EIF4EBP2: variants seen among roughly 807,000 people sequenced by gnomAD.
EIF4EBP2 encodes the protein eukaryotic translation initiation factor 4E binding protein 2.
Under a neutral mutation model 10.3 loss-of-function variants are expected in EIF4EBP2, and 5 were observed. That is an observed-to-expected ratio of 0.48 (90% CI 0.25 to 1.02). The LOEUF (loss-of-function observed/expected upper bound fraction) is 1.02. EIF4EBP2 is among the 50% of genes least tolerant of loss of function. EIF4EBP2 has a pLI of 0.15. For missense variants in EIF4EBP2, 188 were observed against 162.2 expected (o/e 1.16, Z -0.86); for synonymous variants, 67 against 61.1 (o/e 1.10, Z -0.45).
At chr10:70,416,701 T>C (rs923082371) in intron 1 of EIF4EBP2, among the ~76,000 whole-genome samples, 5 of 148,180 alleles carry the variant, frequency 3.4e-5, no homozygotes, top group Admixed American at 2.0e-4. Flanking sequence ...GGTCTCACTC[T>C]GTCATCTAAG....
At chr10:70,405,195 TGGTAGGGTGCTGACAGCCTTAA>T (rs1467598686) in intron 1 of EIF4EBP2, among the ~76,000 whole-genome samples, 14 of 151,284 alleles carry the variant, frequency 9.3e-5, no homozygotes, top group Non-Finnish European at 1.8e-4. Context: ...TAGGTGGGGG[TGGTAGGGTGCTGACAGCCTTAA>T]GGTAGGGTGT....
chr10:70,407,738 C>T (rs1226353354), intron 1 of EIF4EBP2, among the ~76,000 whole-genome samples: 1 of 139,876 alleles, frequency 7.1e-6, no homozygotes, highest in African/African-American at 2.7e-5. Flanking sequence ...TGACCCCCCC[C>T]CCACCTCCCT....
chr10:70,416,173 TCAAAC>T (rs766839361), intron 1 of EIF4EBP2, among the ~76,000 whole-genome samples: 39 of 152,118 alleles, frequency 2.6e-4, no homozygotes, highest in Admixed American at 9.2e-4. Flanking sequence ...CAAATTAAGA[TCAAAC>T]CACAGTGAGA....
At chr10:70,409,319 T>C (rs1845017421) in intron 1 of EIF4EBP2, among the ~76,000 whole-genome samples, 1 of 152,166 alleles carries the variant, frequency 6.6e-6, no homozygotes, top group African/African-American at 2.4e-5. Flanking sequence ...TTTTTTTCTA[T>C]CTGCCTGTGG....
intron 1 of EIF4EBP2, among the ~76,000 whole-genome samples, chr10:70,406,924 G>C (rs185562401): frequency 6.6e-6 from 1 of 152,276 alleles, no homozygotes; most frequent in Non-Finnish European, 1.5e-5. Context: ...TGGAGACGGA[G>C]TTTCGCTCTG....
At chr10:70,414,026 A>G (rs1288201326) in intron 1 of EIF4EBP2, among the ~76,000 whole-genome samples, 1 of 152,228 alleles carries the variant, frequency 6.6e-6, no homozygotes, top group Non-Finnish European at 1.5e-5. Flanking sequence ...GTGAATTGCT[A>G]GGAAGTCCTT....
chr10:70,415,493 GAA>G (rs538263803), intron 1 of EIF4EBP2, among the ~76,000 whole-genome samples: 2,228 of 91,954 alleles, frequency 0.024, 58 homozygotes, highest in African/African-American at 0.076. Flanking sequence ...TCTTGAAAAA[GAA>G]AAACTAAGTT....
rs778028963 is a variant in EIF4EBP2 at position 70,404,425 on chromosome 10, C to T, written c.24C>T (p.Gly8=). The change falls in exon 1 of 3, where the codon GGC becomes GGT. Residue 8 remains glycine (G), a synonymous_variant. Transcript: ENST00000373218. The part of the protein sequence containing the change: MSSSAGS[G]HQPSQSRAIP... The stretch of plus-strand genomic sequence containing the variant: ...CCATGTCCTCGTCAGCCGGCAGCGG[C>T]CACCAGCCCAGCCAGAGCCGCGCCA... 1.9e-6 allele frequency: 3 copies of T among 1,590,632 alleles called. No homozygotes were observed.
intron 1 of EIF4EBP2, among the ~76,000 whole-genome samples, chr10:70,418,543 A>G (rs1215878118): frequency 6.6e-6 from 1 of 152,214 alleles, no homozygotes; most frequent in East Asian, 1.9e-4. Context: ...GTCACAACAT[A>G]GTATAATAAA....
At chr10:70,421,501 C>T (rs771239713) in intron 2 of EIF4EBP2, among the ~76,000 whole-genome samples, 1 of 152,152 alleles carries the variant, frequency 6.6e-6, no homozygotes, top group Non-Finnish European at 1.5e-5. Context: ...CACTTGTGTC[C>T]TTTTCCCCAA....
At position 70,427,742 on chromosome 10, in the gene EIF4EBP2, C is replaced by T. The variant is rs1314096368; in HGVS notation, c.*5995C>T. 1 of 152,064 alleles carries T rather than the reference C, an allele frequency of 6.6e-6. No individual in the cohort carries two copies. The highest frequency in any genetic ancestry group is 1.5e-5 in the Non-Finnish European group (1 of 68,024). 9.4% of individuals were successfully genotyped at this position (152,064 alleles called of 1,614,324 possible). A position where few individuals can be genotyped will look rare whatever the true frequency, so the allele number is the denominator to read the frequency against. ...AATATTACTGAGATGAAACACATTT[C>T]CAAGGGTATTTAAACTCTCACTCTG... On this transcript the variant is annotated 3_prime_UTR_variant, in exon 3 of 3. Coordinates refer to ENST00000373218, the MANE Select transcript of EIF4EBP2 (RefSeq NM_004096.5).
chr10:70,414,694 C>G (rs1845075673), intron 1 of EIF4EBP2, among the ~76,000 whole-genome samples: 1 of 152,060 alleles, frequency 6.6e-6, no homozygotes, highest in Admixed American at 6.6e-5. Flanking sequence ...ATGGTGAAAC[C>G]CCATCTCTAC....
chr10:70,414,559 A>C (rs61357112), intron 1 of EIF4EBP2, among the ~76,000 whole-genome samples: 2,111 of 152,304 alleles, frequency 0.014, 39 homozygotes, highest in African/African-American at 0.048. Context: ...TGCAAGATAA[A>C]AGAGCCATAT....
chr10:70,419,761 T>G (rs991420467), intron 1 of EIF4EBP2, among the ~76,000 whole-genome samples, 153 bp from the exon 2 acceptor site: 1 of 152,206 alleles, frequency 6.6e-6, no homozygotes, highest in Non-Finnish European at 1.5e-5. Flanking sequence ...AGAGCCTGTT[T>G]ACAGGCAGAG....
chr10:70,422,662 A>C lies in EIF4EBP2; in HGVS notation c.*915A>C, dbSNP rs1845170515. ...CACTTTAGCTTCCACTTGGTGGGTA[A>C]GGCCTGATCATAGTATTCTGTCAGA... On this transcript the variant is annotated 3_prime_UTR_variant, in exon 3 of 3. Transcript: ENST00000373218. The C allele has an allele frequency of 6.6e-6, 1 of 152,196 alleles. No homozygotes were observed. Among genetic ancestry groups the C allele is most frequent in the South Asian group, 2.1e-4 (1 of 4,826 alleles). 9.4% of individuals were successfully genotyped at this position (152,196 alleles called of 1,614,324 possible).
intron 1 of EIF4EBP2, among the ~76,000 whole-genome samples, chr10:70,415,677 G>C (rs1354416196): frequency 2.0e-5 from 3 of 152,132 alleles, no homozygotes; most frequent in Non-Finnish European, 4.4e-5. Flanking sequence ...TGTGGAAAAA[G>C]AACAGTTTTC....
rs185997701 is a variant in EIF4EBP2, at chr10:70,422,671, C to G, written c.*924C>G. The G allele has an allele frequency of 2.0e-4, 30 of 152,306 alleles. No homozygotes were observed. Among genetic ancestry groups the G allele is most frequent in the African/African-American group, 7.0e-4 (29 of 41,574 alleles). The allele number at this position is 152,306 out of a possible 1,614,324, so 9.4% of individuals were successfully genotyped here. On this transcript the variant is annotated 3_prime_UTR_variant, in exon 3 of 3. Transcript: ENST00000373218. ...TTCCACTTGGTGGGTAAGGCCTGAT[C>G]ATAGTATTCTGTCAGATAATGCCTA...
intron 1 of EIF4EBP2, among the ~76,000 whole-genome samples, chr10:70,409,388 G>GGTAA (rs1213939624): frequency 1.3e-5 from 2 of 152,150 alleles, no homozygotes; most frequent in African/African-American, 4.8e-5. Flanking sequence ...CTCAAAGGAA[G>GGTAA]GTAAAGTTAC....
At chr10:70,420,188 C>A in intron 2 of EIF4EBP2, 89 bp downstream of exon 2, 1 of 1,366,750 alleles carries the variant, frequency 7.3e-7, no homozygotes, top group Non-Finnish European at 9.9e-7. Context: ...ATTGATTCTT[C>A]AGTTTTGTTT....
Sources: allele counts gnomAD v4.1 joint callset (sites outside exome capture counted in the v4.1 genomes callset), GRCh38; gene constraint gnomAD v4.1.1; transcripts MANE v1.5; gene names NCBI Gene and HGNC (gene_info 2026-07-23, HGNC 2026-07-21).